Variants in GREB1L observed in about 807,000 individuals in gnomAD.
GREB1L encodes GREB1-like protein.
Under a neutral mutation model 200.8 loss-of-function variants are expected in GREB1L, and 17 were observed. The ratio of observed to expected loss-of-function variants is 0.08; its 90% CI spans 0.06 to 0.13. The LOEUF (loss-of-function observed/expected upper bound fraction) is 0.13, where lower values mean the gene tolerates loss of function less well. Among genes scored for constraint, GREB1L ranks in the 10% least tolerant of loss-of-function variants. GREB1L has a pLI of 1.00. For synonymous variants in GREB1L, 789 were observed against 893.0 expected, an observed-to-expected ratio of 0.88 and a Z score of 2.08; for missense variants, 1,657 against 2,367.7, an observed-to-expected ratio of 0.70 and a Z score of 6.23.
At chr18:21,274,950 A>C (rs559837124) in intron 1 of GREB1L, among the ~76,000 whole-genome samples, 73 of 152,082 alleles carry the variant, frequency 4.8e-4, no homozygotes, top group Non-Finnish European at 7.2e-4. Context: ...AACAATGAAA[A>C]AAATAAAATA....
At chr18:21,440,106 T>C (rs1441673258) in intron 8 of GREB1L, among the ~76,000 whole-genome samples, 163 bp from the exon 9 acceptor site, 2 of 152,226 alleles carry the variant, frequency 1.3e-5, no homozygotes, top group Admixed American at 1.3e-4. Flanking sequence ...GTTACTAATG[T>C]GGCTTTTTTT....
chr18:21,522,847 A>G lies in GREB1L; in HGVS notation c.*26A>G. On this transcript the variant is annotated 3_prime_UTR_variant, in exon 33 of 33. Transcript: ENST00000424526. ...GCTTTTGAAGAGACCAAAACAGCAAAAAGATGCCTAGGTGGGATGGGACAG... is the reference window on the plus strand; with the variant it reads ...GCTTTTGAAGAGACCAAAACAGCAAGAAGATGCCTAGGTGGGATGGGACAG... 3 of 1,525,748 alleles carry G rather than the reference A, an allele frequency of 2.0e-6. No individual in the cohort carries two copies. The highest frequency in any genetic ancestry group is 2.6e-6 in the Non-Finnish European group (3 of 1,133,560). 94.5% of individuals were successfully genotyped at this position (1,525,748 alleles called of 1,614,324 possible).
intron 7 of GREB1L, among the ~76,000 whole-genome samples, chr18:21,428,166 C>T (rs550628887): frequency 4.0e-4 from 52 of 131,438 alleles, no homozygotes; most frequent in African/African-American, 1.3e-3. Context: ...GTCCGCAGTC[C>T]GGCCTGGGCG....
At chr18:21,328,538 C>T (rs1458929484) in intron 1 of GREB1L, among the ~76,000 whole-genome samples, 6 of 152,312 alleles carry the variant, frequency 3.9e-5, no homozygotes, top group Non-Finnish European at 7.4e-5. Flanking sequence ...CCCTGATCTT[C>T]TTTGCTTGTT....
chr18:21,365,615 C>T (rs1439507392), intron 1 of GREB1L, among the ~76,000 whole-genome samples: 6 of 151,864 alleles, frequency 4.0e-5, no homozygotes, highest in Admixed American at 1.3e-4. Flanking sequence ...AAATTTGGGC[C>T]GGGTATCAGG....
chr18:21,499,388 C>T (rs1306006248), intron 21 of GREB1L, among the ~76,000 whole-genome samples: 1 of 152,094 alleles, frequency 6.6e-6, no homozygotes, highest in Non-Finnish European at 1.5e-5. Context: ...CCCTGGCCAC[C>T]GTGGGCCTGA....
In GREB1L at chr18:21,461,077, A is replaced by T. The variant is rs181891512; in HGVS notation, c.2182+6514A>T. ...GCATCACTGCACTCCAGCCTGGGTG[A>T]CAGAGTGAGACTCCATCTCAAAAAA... On this transcript the variant is annotated intron_variant, in intron 15 of 32. Transcript: ENST00000424526. Among the ~76,000 whole-genome samples the T allele has an allele frequency of 1.0e-3, 150 of 148,880 alleles. 1 individual carries two copies. The highest frequency in any genetic ancestry group is 1.1e-3 in the Non-Finnish European group (75 of 66,988).
rs1343579561 is a variant in GREB1L at position 21,473,100 on chromosome 18, G to A, written c.2252G>A (p.Arg751His). 47 of 1,550,792 alleles carry A rather than the reference G, an allele frequency of 3.0e-5. No individual in the cohort carries two copies. Among genetic ancestry groups the A allele is most frequent in the Non-Finnish European group, 3.9e-5 (45 of 1,146,566 alleles). The change falls in exon 16 of 33, where the codon CGT (arginine) becomes CAT (histidine). Residue 751 changes from arginine (R) to histidine (H), a missense_variant. Physicochemically the swap from Arg to His is conservative, Grantham distance 29 (BLOSUM62 0). Around this residue, in one of 9 missense-constraint regions of GREB1L, gnomAD observed 239 missense variants for 421.8 expected, o/e 0.57. Coordinates refer to ENST00000424526, the MANE Select transcript of GREB1L (RefSeq NM_001142966.3). ...CAGAGAGCAGAAAAATATGTTGTTCGTCTAGACAATGAGATTCAAACCAAG... is the reference window on the plus strand; with the variant it reads ...CAGAGAGCAGAAAAATATGTTGTTCATCTAGACAATGAGATTCAAACCAAG... ...AHQRAEKYVV[R>H]LDNEIQTKFE...
At chr18:21,501,468 G>A (rs572739913) in intron 23 of GREB1L, among the ~76,000 whole-genome samples, 13 of 152,250 alleles carry the variant, frequency 8.5e-5, no homozygotes, top group South Asian at 2.1e-4. Flanking sequence ...CCACCTGTGA[G>A]TGAGAACATG....
chr18:21,269,169 C>T (rs1485833844), intron 1 of GREB1L, among the ~76,000 whole-genome samples: 6 of 152,044 alleles, frequency 3.9e-5, no homozygotes, highest in East Asian at 3.9e-4. Flanking sequence ...GAGTGCAAAG[C>T]GATCTCAAAA....
intron 1 of GREB1L, among the ~76,000 whole-genome samples, chr18:21,276,811 G>A (rs1399744264): frequency 3.3e-5 from 5 of 152,004 alleles, no homozygotes; most frequent in African/African-American, 1.2e-4. Flanking sequence ...ATGAGGTGGG[G>A]AGAAAGAAGG....
At chr18:21,360,548 A>G (rs2039567796) in intron 1 of GREB1L, among the ~76,000 whole-genome samples, 2 of 152,210 alleles carry the variant, frequency 1.3e-5, no homozygotes, top group South Asian at 4.1e-4. Context: ...ATTAAATGAA[A>G]TACATATATC....
At chr18:21,292,862 T>C (rs1252855751) in intron 1 of GREB1L, among the ~76,000 whole-genome samples, 1 of 152,230 alleles carries the variant, frequency 6.6e-6, no homozygotes, top group Non-Finnish European at 1.5e-5. Context: ...ACTGTAGTTG[T>C]AGTTAGGTTT....
intron 7 of GREB1L, 38 bp downstream of exon 7, chr18:21,404,032 T>C: frequency 6.5e-7 from 1 of 1,529,830 alleles, no homozygotes; most frequent in African/African-American, 1.4e-5. Context: ...AAGCATCACA[T>C]GTATATTTAA....
chr18:21,518,948 A>G (rs1213803577), intron 31 of GREB1L, among the ~76,000 whole-genome samples: 3 of 152,184 alleles, frequency 2.0e-5, no homozygotes, highest in Middle Eastern at 3.2e-3. Flanking sequence ...GGTGTACTAC[A>G]TTTCCTTCCA....
In GREB1L at chr18:21,434,535, A is replaced by G. The variant is rs557509616; in HGVS notation, c.833-4986A>G. 6.4e-3 allele frequency among the ~76,000 whole-genome samples: 919 copies of G among 144,416 alleles called. 17 individuals carry two copies. The highest frequency in any genetic ancestry group is 0.024 in the African/African-American group (866 of 35,932). The allele number at this position is 144,416 out of a possible 152,430, so 94.7% of individuals were successfully genotyped here. On this transcript the variant is annotated intron_variant, in intron 7 of 32. Transcript: ENST00000424526. ...TGTGTGTGTGTGTGTGTGTGTGTAT[A>G]TATATGTGTATATATATGTGTGTAT...
intron 4 of GREB1L, among the ~76,000 whole-genome samples, chr18:21,387,771 C>T (rs2040605855): frequency 6.6e-6 from 1 of 152,176 alleles, no homozygotes; most frequent in African/African-American, 2.4e-5. Context: ...AATAGAACTA[C>T]CTATCACACT....
chr18:21,372,027 TA>T lies in GREB1L; in HGVS notation c.-10+5893del, dbSNP rs569965362. ...AGGTCATTGGACTCCTGAGTCAATG[TA>T]ATTAATCCCTATGACAGTAGTATTT... On this transcript the variant is annotated intron_variant, in intron 2 of 32. Transcript: ENST00000424526. Among the ~76,000 whole-genome samples, 322 of 152,318 alleles carry T rather than the reference TA, an allele frequency of 2.1e-3. 1 individual carries two copies. The highest frequency in any genetic ancestry group is 7.2e-3 in the African/African-American group (301 of 41,570).
intron 1 of GREB1L, among the ~76,000 whole-genome samples, chr18:21,281,525 A>G (rs1347113763): frequency 6.6e-6 from 1 of 152,208 alleles, no homozygotes; most frequent in African/African-American, 2.4e-5. Context: ...GTTAAAGGGA[A>G]GGTTTAAAAA....
Sources: allele counts gnomAD v4.1 joint callset (sites outside exome capture counted in the v4.1 genomes callset), GRCh38; gene constraint gnomAD v4.1.1; regional missense constraint gnomAD v4.1.1; transcripts MANE v1.5; gene names NCBI Gene and HGNC (gene_info 2026-07-23, HGNC 2026-07-21).